The following PIEZO2 variants were observed in gnomAD, a reference collection of about 807,000 sequenced individuals.
The protein encoded by PIEZO2 is piezo type mechanosensitive ion channel component 2.
Under a neutral mutation model 337.3 loss-of-function variants are expected in PIEZO2, and 172 were observed. The ratio of observed to expected loss-of-function variants is 0.51; its 90% CI spans 0.45 to 0.58. PIEZO2 has a LOEUF of 0.58. PIEZO2 is among the 20% of genes least tolerant of loss of function. The probability of loss-of-function intolerance (pLI) is 0.00; values close to 1 mark genes in which losing one functional copy is unlikely to be tolerated. For synonymous variants in PIEZO2, 1,251 were observed against 1,228.5 expected (o/e 1.02, Z -0.38); for missense variants, 3,028 against 3,391.3 (o/e 0.89, Z 2.66).
At chr18:10,915,714 T>C (rs2030883652) in intron 3 of PIEZO2, among the ~76,000 whole-genome samples, 2 of 152,140 alleles carry the variant, frequency 1.3e-5, no homozygotes, top group African/African-American at 4.8e-5. Context: ...GGTTAGAGAT[T>C]AGGGACCCCA....
intron 20 of PIEZO2, among the ~76,000 whole-genome samples, chr18:10,771,135 C>T (rs11876881): frequency 0.028 from 4,272 of 152,310 alleles, 198 homozygotes; most frequent in African/African-American, 0.097. Context: ...CTTGCCACAA[C>T]GGCACTTTTA....
chr18:10,869,983 C>A (rs1023857678), intron 5 of PIEZO2, among the ~76,000 whole-genome samples: 5 of 152,076 alleles, frequency 3.3e-5, no homozygotes, highest in African/African-American at 1.2e-4. Flanking sequence ...TCAAGTGATT[C>A]TCCTGCCTCA....
At chr18:10,761,844 T>C (rs753189511) in intron 23 of PIEZO2, among the ~76,000 whole-genome samples, 2 of 152,180 alleles carry the variant, frequency 1.3e-5, no homozygotes, top group Non-Finnish European at 2.9e-5. Context: ...CTTAAATGCA[T>C]TGCCAGTGTA....
intron 39 of PIEZO2, among the ~76,000 whole-genome samples, chr18:10,710,725 G>A (rs1211322848): frequency 1.3e-5 from 2 of 152,220 alleles, no homozygotes; most frequent in Non-Finnish European, 2.9e-5. Context: ...CCTCACTGGG[G>A]AGTGGCAGCC....
chr18:11,057,438 T>C (rs1004512690), intron 2 of PIEZO2, among the ~76,000 whole-genome samples: 1 of 152,206 alleles, frequency 6.6e-6, no homozygotes, highest in Admixed American at 6.5e-5. Context: ...GGAAGTCATT[T>C]AGTCAAATCC....
intron 7 of PIEZO2, among the ~76,000 whole-genome samples, chr18:10,812,640 T>C (rs1256337786): frequency 1.3e-5 from 2 of 152,092 alleles, no homozygotes; most frequent in East Asian, 3.9e-4. Context: ...AGCGCACGGT[T>C]CATTCTTTCG....
intron 2 of PIEZO2, among the ~76,000 whole-genome samples, chr18:10,994,204 G>A (rs1033417879): frequency 6.6e-6 from 1 of 152,118 alleles, no homozygotes; most frequent in African/African-American, 2.4e-5. Context: ...TTTATGGCTG[G>A]GTAGTAGTCC....
At chr18:10,700,079 A>G (rs575659943) in intron 43 of PIEZO2, among the ~76,000 whole-genome samples, 3 of 151,498 alleles carry the variant, frequency 2.0e-5, no homozygotes, top group East Asian at 3.9e-4. Context: ...TAAACATAAC[A>G]AACATTTTAG....
At chr18:10,768,464 C>G (rs2038458451) in intron 21 of PIEZO2, among the ~76,000 whole-genome samples, 1 of 152,184 alleles carries the variant, frequency 6.6e-6, no homozygotes, top group South Asian at 2.1e-4. Context: ...ACCAAAGCTT[C>G]AGGGCCGGAA....
chr18:10,699,431 G>A (rs571057898), intron 43 of PIEZO2, among the ~76,000 whole-genome samples: 50 of 152,220 alleles, frequency 3.3e-4, no homozygotes, highest in Admixed American at 5.9e-4. Flanking sequence ...CATGAGATCC[G>A]ATGGTTATAA....
rs188539950 is a variant in PIEZO2 at position 10,969,597 on chromosome 18, G to A, written c.286+9938C>T. Among the ~76,000 whole-genome samples the A allele has an allele frequency of 1.1e-4, 16 of 150,792 alleles. No homozygotes were observed. Among genetic ancestry groups the A allele is most frequent in the South Asian group, 2.1e-4 (1 of 4,772 alleles). On this transcript the variant is annotated intron_variant, in intron 3 of 55. Transcript: ENST00000674853. This position sits in a 1 kb window ranked among gnomAD's most constrained non-coding sequence, Gnocchi z 4.5. ...AATGGAAATCCAAATTTTTTTTTGC[G>A]AAGGAAATAAATACCAAGTAACTTA...
At chr18:11,138,382 G>T (rs973166187) in intron 1 of PIEZO2, among the ~76,000 whole-genome samples, 1 of 152,178 alleles carries the variant, frequency 6.6e-6, no homozygotes, top group African/African-American at 2.4e-5. Flanking sequence ...TGCAACCTCT[G>T]CCTCTGGGAC....
In PIEZO2 at chr18:10,720,240, A is replaced by ATATATATATATATATATATATATATATG. The variant is rs1177519829; in HGVS notation, c.5030-1982_5030-1981insCATATATATATATATATATATATATATA. 3.5e-4 allele frequency among the ~76,000 whole-genome samples: 44 copies of ATATATATATATATATATATATATATATG among 127,378 alleles called. 1 individual carries two copies. Among genetic ancestry groups the ATATATATATATATATATATATATATATG allele is most frequent in the Non-Finnish European group, 6.5e-4 (39 of 60,200 alleles). The allele number at this position is 127,378 out of a possible 152,430, so 83.6% of individuals were successfully genotyped here. ...TGAATATATGTGTGTGTGTGTATAT[A>ATATATATATATATATATATATATATATG]TATATATATGGAGCCCAGGTAATAT... On this transcript the variant is annotated intron_variant, in intron 36 of 55. Coordinates refer to ENST00000674853, the MANE Select transcript of PIEZO2 (RefSeq NM_001378183.1).
chr18:10,755,253 T>C (rs4796905), intron 27 of PIEZO2, among the ~76,000 whole-genome samples: 127,337 of 152,074 alleles, frequency 0.84, 53,863 homozygotes, highest in African/African-American at 0.96. Flanking sequence ...TGGGGTCGGC[T>C]GGCTTGGGTA....
chr18:10,927,083 G>C (rs2031787530), intron 3 of PIEZO2, among the ~76,000 whole-genome samples: 1 of 152,212 alleles, frequency 6.6e-6, no homozygotes, highest in African/African-American at 2.4e-5. Flanking sequence ...GGTCACACGC[G>C]GGAGGAGGGG....
rs2038808079 is a variant in PIEZO2, at chr18:11,083,163, G to T, written c.65-16941C>A. Among the ~76,000 whole-genome samples, 2 of 152,078 alleles carry T rather than the reference G, an allele frequency of 1.3e-5. No individual in the cohort carries two copies. The highest frequency in any genetic ancestry group is 6.5e-5 in the Admixed American group (1 of 15,274). ...ACCTTTGCATACCTTGCCTGAAGCTGGTATAAAGACAGACTTCTCTTAGAC... is the reference window on the plus strand; with the variant it reads ...ACCTTTGCATACCTTGCCTGAAGCTTGTATAAAGACAGACTTCTCTTAGAC... On this transcript the variant is annotated intron_variant, in intron 1 of 55. Coordinates refer to ENST00000674853, the MANE Select transcript of PIEZO2 (RefSeq NM_001378183.1). The surrounding 1 kb of genome is among the most constrained non-coding windows in gnomAD (Gnocchi z 4.4).
Position 10,748,312 on chromosome 18 carries a change from T to TAC in PIEZO2, c.4424+157_4424+158dup, listed in dbSNP as rs2037507132. 6.6e-6 allele frequency among the ~76,000 whole-genome samples: 1 copy of TAC among 152,200 alleles called. No individual in the cohort carries two copies. Among genetic ancestry groups the TAC allele is most frequent in the South Asian group, 2.1e-4 (1 of 4,822 alleles). On this transcript the variant is annotated intron_variant, in intron 30 of 55. Transcript: ENST00000674853. This position sits in a 1 kb window ranked among gnomAD's most constrained non-coding sequence, Gnocchi z 5.1. ...AGGCTTTCCTGTTACTATTCTATTT[T>TAC]ACAGGCCTTGTGCTAAATTCTTCTT... is the stretch of plus-strand genomic sequence containing the variant.
chr18:10,727,115 G>A lies in PIEZO2; in HGVS notation c.5029+4292C>T. The A allele has an allele frequency of 1.1e-5, 5 of 463,690 alleles. No individual in the cohort carries two copies. Among genetic ancestry groups the A allele is most frequent in the Non-Finnish European group, 1.9e-5 (5 of 266,850 alleles). The allele number at this position is 463,690 out of a possible 1,614,324, so 28.7% of individuals were successfully genotyped here. A position where few individuals can be genotyped will look rare whatever the true frequency, so the allele number is the denominator to read the frequency against. On this transcript the variant is annotated intron_variant, in intron 36 of 55. Coordinates refer to ENST00000674853, the MANE Select transcript of PIEZO2 (RefSeq NM_001378183.1). This position sits in a 1 kb window ranked among gnomAD's most constrained non-coding sequence, Gnocchi z 6.3. ...ATCAAAGGGTTTGTGTCCCTTGCTA[G>A]CCTCCCTGGGGCCTGGGGATCTGCA... is the stretch of plus-strand genomic sequence containing the variant.
At chr18:10,955,629 T>G (rs2033484393) in intron 3 of PIEZO2, among the ~76,000 whole-genome samples, 6 of 152,216 alleles carry the variant, frequency 3.9e-5, no homozygotes, top group Admixed American at 3.9e-4. Flanking sequence ...GAAGAACATC[T>G]GCTAACACAG....
Sources: allele counts gnomAD v4.1 joint callset (sites outside exome capture counted in the v4.1 genomes callset), GRCh38; gene constraint gnomAD v4.1.1; non-coding constraint Gnocchi (gnomAD v3.1); transcripts MANE v1.5; gene names NCBI Gene and HGNC (gene_info 2026-07-23, HGNC 2026-07-21).